Variants in FSHR observed in about 807,000 individuals in gnomAD.
FSHR encodes the protein follicle-stimulating hormone receptor.
A neutral mutation model predicts 52.1 loss-of-function variants in FSHR; 46 were observed. The observed-to-expected ratio is 0.88, with a 90% confidence interval of 0.70 to 1.13. The LOEUF (loss-of-function observed/expected upper bound fraction) is 1.13. Among genes scored for constraint, FSHR ranks in the 50% most tolerant of loss-of-function variants. FSHR has a pLI of 0.00. For missense variants in FSHR, 964 were observed against 834.6 expected, an observed-to-expected ratio of 1.16 and a Z score of -1.91; for synonymous variants, 399 against 309.6, an observed-to-expected ratio of 1.29 and a Z score of -3.03.
intron 4 of FSHR, among the ~76,000 whole-genome samples, chr2:48,992,766 C>T (rs899256760): frequency 5.3e-5 from 8 of 152,118 alleles, no homozygotes; most frequent in African/African-American, 1.9e-4. Context: ...CTCCCTATTT[C>T]TCTTTCTTCT....
chr2:49,066,437 A>T (rs1325591944), intron 2 of FSHR, among the ~76,000 whole-genome samples: 1 of 152,088 alleles, frequency 6.6e-6, no homozygotes, highest in African/African-American at 2.4e-5. Context: ...CAATGGACAA[A>T]GGTGAGCACG....
At chr2:49,144,468 T>G (rs9789577) in intron 1 of FSHR, among the ~76,000 whole-genome samples, 22,256 of 152,096 alleles carry the variant, frequency 0.15, 1,620 homozygotes, top group Middle Eastern at 0.24. Context: ...ATTAAAGGAG[T>G]TCAGCAGATT....
chr2:49,025,677 A>G (rs1667891193), intron 2 of FSHR, among the ~76,000 whole-genome samples: 1 of 152,204 alleles, frequency 6.6e-6, no homozygotes, highest in Non-Finnish European at 1.5e-5. Context: ...ACCTTGTGAC[A>G]GTCAACCACT....
chr2:49,134,815 A>G (rs1166632253), intron 1 of FSHR, among the ~76,000 whole-genome samples: 1 of 152,188 alleles, frequency 6.6e-6, no homozygotes, highest in East Asian at 1.9e-4. Context: ...TATCGCAAGA[A>G]CAAAAAACCA....
intron 4 of FSHR, among the ~76,000 whole-genome samples, chr2:49,000,617 G>C (rs1666837862): frequency 6.6e-6 from 1 of 152,152 alleles, no homozygotes; most frequent in Non-Finnish European, 1.5e-5. Context: ...CATGAAAGTA[G>C]TGTGGAGAGT....
At chr2:48,980,243 A>T (rs998142807) in intron 8 of FSHR, among the ~76,000 whole-genome samples, 1 of 152,210 alleles carries the variant, frequency 6.6e-6, no homozygotes, top group Non-Finnish European at 1.5e-5. Flanking sequence ...GTGGGAATGT[A>T]TTATCACTCT....
At chr2:49,153,222 C>G (rs1193282013) in intron 1 of FSHR, among the ~76,000 whole-genome samples, 1 of 152,206 alleles carries the variant, frequency 6.6e-6, no homozygotes. Context: ...TGACCACCTT[C>G]TTCAATTAAA....
intron 4 of FSHR, 124 bp from the exon 5 acceptor site, chr2:48,990,761 C>G: frequency 1.4e-6 from 1 of 729,578 alleles, no homozygotes; most frequent in Non-Finnish European, 2.5e-6. Context: ...CGAGAAAAGC[C>G]CGTATATACG....
chr2:48,984,813 G>C (rs961631027), intron 6 of FSHR, among the ~76,000 whole-genome samples: 1 of 152,036 alleles, frequency 6.6e-6, no homozygotes, highest in Non-Finnish European at 1.5e-5. Context: ...CCTGTAAATC[G>C]ATGTTGCTAT....
intron 1 of FSHR, among the ~76,000 whole-genome samples, chr2:49,139,528 T>A (rs2103832289): frequency 6.6e-6 from 1 of 152,152 alleles, no homozygotes; most frequent in South Asian, 2.1e-4. Context: ...GAAATTAGGG[T>A]TGTGAGGCAT....
chr2:49,061,961 T>C (rs940026635), intron 2 of FSHR, among the ~76,000 whole-genome samples: 2 of 151,156 alleles, frequency 1.3e-5, no homozygotes, highest in African/African-American at 4.8e-5. Flanking sequence ...ACAGTAATAG[T>C]TGGGGACTTC....
intron 4 of FSHR, among the ~76,000 whole-genome samples, chr2:49,011,020 C>G (rs888097287): frequency 6.6e-6 from 1 of 151,010 alleles, no homozygotes; most frequent in African/African-American, 2.4e-5. Flanking sequence ...TTTTGTGTCT[C>G]TATTTCCTTC....
At chr2:49,003,057 G>T (rs192083314) in intron 4 of FSHR, among the ~76,000 whole-genome samples, 3 of 152,262 alleles carry the variant, frequency 2.0e-5, no homozygotes, top group East Asian at 1.9e-4. Flanking sequence ...AAAGCTCACT[G>T]CCTCTTGAAC....
chr2:49,002,540 T>C (rs1380470756), intron 4 of FSHR, among the ~76,000 whole-genome samples: 4 of 152,014 alleles, frequency 2.6e-5, no homozygotes. Flanking sequence ...AAACATGCCT[T>C]CTTCACATGG....
intron 2 of FSHR, among the ~76,000 whole-genome samples, chr2:49,044,758 T>G (rs1373966324): frequency 6.6e-6 from 1 of 152,190 alleles, no homozygotes; most frequent in East Asian, 1.9e-4. Flanking sequence ...ATGTGCTAAC[T>G]TGCCCTGCAC....
At chr2:49,135,024 C>A (rs1225140668) in intron 1 of FSHR, among the ~76,000 whole-genome samples, 3 of 152,060 alleles carry the variant, frequency 2.0e-5, no homozygotes, top group Admixed American at 1.3e-4. Context: ...ATGTAACTAA[C>A]CTGCACAATG....
At chr2:49,056,445 A>AATATGAATATAT (rs1248094640) in intron 2 of FSHR, among the ~76,000 whole-genome samples, 1 of 128,524 alleles carries the variant, frequency 7.8e-6, no homozygotes, top group Non-Finnish European at 1.6e-5. Context: ...TTACAATTGG[A>AATATGAATATAT]ATATATATAT....
At chr2:49,057,875 A>C (rs1185108160) in intron 2 of FSHR, among the ~76,000 whole-genome samples, 1 of 152,260 alleles carries the variant, frequency 6.6e-6, no homozygotes, top group East Asian at 1.9e-4. Flanking sequence ...ACATATGCAA[A>C]TTAGTAAACA....
intron 1 of FSHR, among the ~76,000 whole-genome samples, chr2:49,098,955 C>T (rs1670927459): frequency 6.7e-6 from 1 of 150,110 alleles, no homozygotes; most frequent in African/African-American, 2.5e-5. Context: ...CACACACACA[C>T]ATCCCACACA....
Sources: gnomAD v4.1 joint callset for allele counts (sites outside exome capture counted in the v4.1 genomes callset) on GRCh38, gnomAD v4.1.1 for gene constraint, MANE v1.5 for transcripts, NCBI Gene and HGNC (gene_info 2026-07-23, HGNC 2026-07-21) for gene names.